TPTE: variants seen among roughly 807,000 people sequenced by gnomAD.
TPTE encodes transmembrane phosphatase with tensin homology, also known as putative tyrosine-protein phosphatase TPTE.
TPTE carries 59 observed loss-of-function variants against 84.1 expected under a neutral mutation model. The observed-to-expected ratio is 0.70, with a 90% CI of 0.57 to 0.87. The LOEUF is 0.87. Ranked by LOEUF, TPTE falls within the 40% of genes least tolerant of loss-of-function variation. The pLI is 0.00. For missense variants in TPTE, 382 were observed against 659.6 expected, an observed-to-expected ratio of 0.58 and a Z score of 4.61; for synonymous variants, 130 against 223.5, an observed-to-expected ratio of 0.58 and a Z score of 3.73.
At chr21:10,574,437 G>A (rs1455007149) in intron 14 of TPTE, among the ~76,000 whole-genome samples, 2 of 152,308 alleles carry the variant, frequency 1.3e-5, no homozygotes, top group African/African-American at 4.8e-5. Flanking sequence ...CAAGAAACTA[G>A]TGATAAACCA....
chr21:10,544,211 T>C (rs1030127004), intron 7 of TPTE, among the ~76,000 whole-genome samples: 1 of 152,304 alleles, frequency 6.6e-6, no homozygotes, highest in African/African-American at 2.4e-5. Flanking sequence ...AATAAAAGGA[T>C]TGTGTTTAAT....
At chr21:10,539,913 G>A (rs369058730) in intron 4 of TPTE, among the ~76,000 whole-genome samples, 2 of 152,308 alleles carry the variant, frequency 1.3e-5, no homozygotes, top group African/African-American at 2.4e-5. Context: ...GGAGGCTGAG[G>A]CAGGAGAATT....
At chr21:10,523,576 T>G (rs2074025903) in intron 1 of TPTE, among the ~76,000 whole-genome samples, 2 of 152,302 alleles carry the variant, frequency 1.3e-5, no homozygotes, top group Admixed American at 1.3e-4. Context: ...TTGCGATAGT[T>G]TACTGAGAAT....
chr21:10,602,197 A>G (rs1247878152), intron 22 of TPTE, 47 bp downstream of exon 22: 2 of 1,583,844 alleles, frequency 1.3e-6, no homozygotes, highest in African/African-American at 1.3e-5. Context: ...GTCTGGTCTA[A>G]TGATTTCATG....
At chr21:10,572,162 AAT>A (rs2075056955) in intron 14 of TPTE, among the ~76,000 whole-genome samples, 1 of 152,304 alleles carries the variant, frequency 6.6e-6, no homozygotes, top group Non-Finnish European at 1.5e-5. Flanking sequence ...AAAAAGAGGG[AAT>A]ATTCATCAGG....
At chr21:10,601,889 A>G (rs1423152233) in intron 21 of TPTE, among the ~76,000 whole-genome samples, 169 bp from the exon 22 acceptor site, 1 of 152,310 alleles carries the variant, frequency 6.6e-6, no homozygotes, top group African/African-American at 2.4e-5. Flanking sequence ...ACGCATAAAC[A>G]ACAGTATTGC....
chr21:10,564,066 A>G (rs951687331), intron 10 of TPTE, among the ~76,000 whole-genome samples: 2 of 152,306 alleles, frequency 1.3e-5, no homozygotes, highest in Non-Finnish European at 2.9e-5. Flanking sequence ...AGGCAGGAGA[A>G]TCACTTGAAC....
chr21:10,559,676 C>T, intron 9 of TPTE, 132 bp downstream of exon 9: 2 of 1,339,694 alleles, frequency 1.5e-6, no homozygotes, highest in South Asian at 1.2e-5. Flanking sequence ...GAGTTCAAGA[C>T]CAGCCTGGCT....
intron 4 of TPTE, among the ~76,000 whole-genome samples, chr21:10,540,050 A>C (rs1200471993): frequency 6.6e-6 from 1 of 152,306 alleles, no homozygotes; most frequent in Non-Finnish European, 1.5e-5. Context: ...ACAAAAAACC[A>C]AAACAAAAGC....
At chr21:10,576,838 CATATATATATATATAT>C (rs56285862) in intron 14 of TPTE, among the ~76,000 whole-genome samples, 14,179 of 136,970 alleles carry the variant, frequency 0.1, 11 homozygotes, top group Non-Finnish European at 0.14. Flanking sequence ...TACATATATA[CATATATATATATATAT>C]ATATATATAT....
chr21:10,552,759 T>C, intron 8 of TPTE, 43 bp downstream of exon 8: 2 of 1,613,434 alleles, frequency 1.2e-6, no homozygotes, highest in Non-Finnish European at 8.5e-7. Context: ...CATTGATGGA[T>C]CTCTTATCTT....
intron 15 of TPTE, 109 bp from the exon 16 acceptor site, chr21:10,578,226 CTT>C (rs1261847259): frequency 2.7e-6 from 4 of 1,506,680 alleles, no homozygotes; most frequent in Non-Finnish European, 3.6e-6. Flanking sequence ...TTGGAAAGCT[CTT>C]TTTGAAGATA....
chr21:10,595,107 A>G (rs1342682985), intron 19 of TPTE, among the ~76,000 whole-genome samples: 5 of 152,306 alleles, frequency 3.3e-5, no homozygotes, highest in African/African-American at 9.6e-5. Context: ...CAGTGGTGCA[A>G]TCTCAGCTCA....
At chr21:10,544,425 C>T (rs1037574276) in intron 7 of TPTE, among the ~76,000 whole-genome samples, 10 of 152,306 alleles carry the variant, frequency 6.6e-5, no homozygotes, top group African/African-American at 2.2e-4. Context: ...CTCGCTGTTG[C>T]CCAAGCTGGC....
At chr21:10,593,689 C>T (rs1165849395) in intron 19 of TPTE, among the ~76,000 whole-genome samples, 27 of 152,252 alleles carry the variant, frequency 1.8e-4, no homozygotes, top group African/African-American at 6.3e-4. Flanking sequence ...ACCTTTGAAC[C>T]AAGGACTGAA....
At chr21:10,584,090 A>T (rs1035173936) in intron 17 of TPTE, among the ~76,000 whole-genome samples, 1 of 152,308 alleles carries the variant, frequency 6.6e-6, no homozygotes, top group Non-Finnish European at 1.5e-5. Flanking sequence ...TACAATATTG[A>T]CTCATCCAAC....
chr21:10,590,575 TC>T, intron 18 of TPTE, 52 bp downstream of exon 18: 1 of 1,610,736 alleles, frequency 6.2e-7, no homozygotes, highest in Non-Finnish European at 8.5e-7. Flanking sequence ...GTTTGCTAGT[TC>T]TGAAACATCA....
chr21:10,573,900 G>T (rs1480697255), intron 14 of TPTE, among the ~76,000 whole-genome samples: 3 of 152,426 alleles, frequency 2.0e-5, no homozygotes, highest in Non-Finnish European at 2.9e-5. Context: ...TCAGGCCCAG[G>T]CTCAAAATTA....
chr21:10,572,899 T>TA (rs56370439), intron 14 of TPTE, among the ~76,000 whole-genome samples: 19,123 of 140,608 alleles, frequency 0.14, 51 homozygotes, highest in African/African-American at 0.33. Flanking sequence ...CCACAAAGAT[T>TA]AAAAAAAAAA....
Sources: allele counts gnomAD v4.1 joint callset (sites outside exome capture counted in the v4.1 genomes callset), GRCh38; gene constraint gnomAD v4.1.1; transcripts MANE v1.5; gene names NCBI Gene and HGNC (gene_info 2026-07-23, HGNC 2026-07-21).